The following ANGPT1 variants were observed in gnomAD, a reference collection of about 807,000 sequenced individuals.
The protein encoded by ANGPT1 is angiopoietin 1.
Under a neutral mutation model 62.2 loss-of-function variants are expected in ANGPT1, and 17 were observed. The ratio of observed to expected loss-of-function variants is 0.27; its 90% CI spans 0.19 to 0.41. The LOEUF (loss-of-function observed/expected upper bound fraction) is 0.41. Ranked by LOEUF, ANGPT1 falls within the 10% of genes least tolerant of loss-of-function variation. ANGPT1 has a pLI of 1.00. For missense variants in ANGPT1, 478 were observed against 594.9 expected, an observed-to-expected ratio of 0.80 and a Z score of 2.04; for synonymous variants, 199 against 198.9, an observed-to-expected ratio of 1.00 and a Z score of 0.00.
chr8:107,317,718 C>A (rs1815052035), intron 4 of ANGPT1, among the ~76,000 whole-genome samples: 1 of 151,756 alleles, frequency 6.6e-6, no homozygotes, highest in South Asian at 2.1e-4. Context: ...GCAACCTTCG[C>A]CTCCTGGGTT....
chr8:107,258,804 C>T (rs1314525929), intron 8 of ANGPT1, among the ~76,000 whole-genome samples: 1 of 152,114 alleles, frequency 6.6e-6, no homozygotes, highest in Non-Finnish European at 1.5e-5. Flanking sequence ...CATGCTGGTG[C>T]ATATAAATAC....
At chr8:107,308,177 C>T (rs1488164010) in intron 4 of ANGPT1, among the ~76,000 whole-genome samples, 2 of 152,152 alleles carry the variant, frequency 1.3e-5, no homozygotes, top group South Asian at 2.1e-4. Flanking sequence ...GCCTGCCTGT[C>T]ATGTGATCAC....
intron 1 of ANGPT1, among the ~76,000 whole-genome samples, chr8:107,452,292 T>C (rs978181011): frequency 2.6e-5 from 4 of 151,630 alleles, no homozygotes; most frequent in Middle Eastern, 3.2e-3. Flanking sequence ...ATATCCTTTA[T>C]AATTAGGATC....
At chr8:107,342,910 A>G (rs1465270416) in intron 2 of ANGPT1, among the ~76,000 whole-genome samples, 1 of 150,978 alleles carries the variant, frequency 6.6e-6, no homozygotes, top group Non-Finnish European at 1.5e-5. Flanking sequence ...ATCACAGCTC[A>G]TTGTAACCTT....
chr8:107,272,733 CATATATA>C (rs36227100), intron 7 of ANGPT1, among the ~76,000 whole-genome samples: 5,834 of 150,188 alleles, frequency 0.039, 341 homozygotes, highest in African/African-American at 0.13. Flanking sequence ...ACATCATATA[CATATATA>C]ATATATATTA....
rs71562147 is a variant in ANGPT1, at chr8:107,481,532, C to CAAAAAAAAAAAAA, written c.297+15717_297+15729dup. On this transcript the variant is annotated intron_variant, in intron 1 of 8. Transcript: ENST00000517746. ...CTGGCAACAAAGCAAGACTCTGTCT[C>CAAAAAAAAAAAAA]AAAAAAAAAAAAAAAAAAAAAAAAG... is the stretch of plus-strand genomic sequence containing the variant. Among the ~76,000 whole-genome samples the CAAAAAAAAAAAAA allele has an allele frequency of 4.2e-3, 268 of 64,274 alleles. 4 individuals are homozygous for CAAAAAAAAAAAAA. Among genetic ancestry groups the CAAAAAAAAAAAAA allele is most frequent in the South Asian group, 9.0e-3 (12 of 1,336 alleles). The allele number at this position is 64,274 out of a possible 152,430, so 42.2% of individuals were successfully genotyped here.
intron 1 of ANGPT1, among the ~76,000 whole-genome samples, chr8:107,376,344 G>A (rs896967489): frequency 2.0e-5 from 3 of 152,156 alleles, no homozygotes; most frequent in African/African-American, 7.2e-5. Context: ...CAATATGGAA[G>A]TATGGGGAAC....
At position 107,459,446 on chromosome 8, in the gene ANGPT1, GCCACTGCACT is replaced by G. The variant is rs564580715; in HGVS notation, c.297+37806_297+37815del. Among the ~76,000 whole-genome samples, 621 of 152,046 alleles carry G rather than the reference GCCACTGCACT, an allele frequency of 4.1e-3. 3 individuals are homozygous for G. The highest frequency in any genetic ancestry group is 0.014 in the African/African-American group (599 of 41,464). ...GGAGGTTGCAGTGAGCCAAGATCGT[GCCACTGCACT>G]CCAGCCTGGGCAAGTGAGTGAGACT... On this transcript the variant is annotated intron_variant, in intron 1 of 8. Transcript: ENST00000517746.
At position 107,497,376 on chromosome 8, in the gene ANGPT1, C is replaced by T; in HGVS notation, c.183G>A (p.Gln61=). 6.2e-7 allele frequency: 1 copy of T among 1,614,172 alleles called. No individual in the cohort carries two copies. Among genetic ancestry groups the T allele is most frequent in the African/African-American group, 1.3e-5 (1 of 75,044 alleles). ...DGNCRESTTD[Q]YNTNALQRDA... is the part of the protein sequence containing the mutation. The stretch of plus-strand genomic sequence containing the variant: ...CTCTCTGCAGAGCGTTTGTGTTGTA[C>T]TGGTCTGTCGTACTCTCACGACAGT... The change falls in exon 1 of 9, where the codon CAG becomes CAA. Residue 61 remains glutamine (Q), a synonymous_variant. Transcript: ENST00000517746.
intron 1 of ANGPT1, among the ~76,000 whole-genome samples, chr8:107,349,582 A>T (rs1246738917): frequency 6.6e-6 from 1 of 152,142 alleles, no homozygotes; most frequent in African/African-American, 2.4e-5. Flanking sequence ...ACAGGCACAG[A>T]GCTACGTGTT....
intron 1 of ANGPT1, among the ~76,000 whole-genome samples, chr8:107,410,812 T>A (rs1003190391): frequency 2.6e-5 from 4 of 152,226 alleles, no homozygotes; most frequent in Non-Finnish European, 5.9e-5. Context: ...TTAGCTTTTT[T>A]AAATGAGATT....
At chr8:107,381,969 A>G (rs1456771445) in intron 1 of ANGPT1, among the ~76,000 whole-genome samples, 1 of 152,174 alleles carries the variant, frequency 6.6e-6, no homozygotes, top group Non-Finnish European at 1.5e-5. Flanking sequence ...ACATAGAGGA[A>G]AGACATGCAG....
intron 1 of ANGPT1, among the ~76,000 whole-genome samples, chr8:107,409,161 C>A (rs1817209284): frequency 1.3e-5 from 2 of 152,166 alleles, no homozygotes; most frequent in African/African-American, 4.8e-5. Flanking sequence ...AAGAAATATT[C>A]TTATCTGATG....
chr8:107,300,041 C>CTA (rs1554580302), intron 5 of ANGPT1, among the ~76,000 whole-genome samples: 8 of 138,688 alleles, frequency 5.8e-5, no homozygotes, highest in Non-Finnish European at 1.1e-4. Context: ...CTAGATATAA[C>CTA]TATATATATA....
At chr8:107,343,106 A>C (rs1001409544) in intron 2 of ANGPT1, among the ~76,000 whole-genome samples, 1 of 149,886 alleles carries the variant, frequency 6.7e-6, no homozygotes, top group Non-Finnish European at 1.5e-5. Context: ...TAAAGTGCTG[A>C]GATTTTAGGT....
At chr8:107,300,589 A>G (rs890076391) in intron 5 of ANGPT1, among the ~76,000 whole-genome samples, 4 of 151,964 alleles carry the variant, frequency 2.6e-5, no homozygotes, top group Non-Finnish European at 5.9e-5. Flanking sequence ...ACCAGGTAAT[A>G]TTGGAACTTC....
At chr8:107,284,661 C>A in intron 7 of ANGPT1, 21 bp downstream of exon 7, 1 of 1,518,928 alleles carries the variant, frequency 6.6e-7, no homozygotes, top group African/African-American at 1.4e-5. Context: ...TAGTCGAACA[C>A]TACACTGTAG....
intron 8 of ANGPT1, among the ~76,000 whole-genome samples, chr8:107,255,517 A>G (rs1358502499): frequency 6.6e-6 from 1 of 152,144 alleles, no homozygotes; most frequent in Non-Finnish European, 1.5e-5. Context: ...TACTTCATCA[A>G]TAAATAACCA....
chr8:107,425,005 G>A (rs983228731), intron 1 of ANGPT1, among the ~76,000 whole-genome samples: 7 of 152,112 alleles, frequency 4.6e-5, no homozygotes, highest in African/African-American at 1.7e-4. Flanking sequence ...CTCCTGGGTA[G>A]CTGAGACTAC....
Sources: allele counts gnomAD v4.1 joint callset (sites outside exome capture counted in the v4.1 genomes callset), GRCh38; gene constraint gnomAD v4.1.1; transcripts MANE v1.5; gene names NCBI Gene and HGNC (gene_info 2026-07-23, HGNC 2026-07-21).